CHD9: variants seen among roughly 807,000 people sequenced by gnomAD.
The protein encoded by CHD9 is ATP-dependent chromatin remodeler CHD9.
Under a neutral mutation model 316.1 loss-of-function variants are expected in CHD9, and 77 were observed. The observed-to-expected ratio is 0.24, with a 90% confidence interval of 0.20 to 0.29. The LOEUF is 0.29. Among genes scored for constraint, CHD9 ranks in the 10% least tolerant of loss-of-function variants. CHD9 has a pLI of 1.00. For synonymous variants in CHD9, 1,129 were observed against 1,158.3 expected (o/e 0.97, Z 0.51); for missense variants, 2,763 against 3,438.1 (o/e 0.80, Z 4.91).
Position 53,069,895 on chromosome 16 carries a change from T to C in CHD9, c.-165+14818T>C, listed in dbSNP as rs527546002. Among the ~76,000 whole-genome samples, 4 of 144,978 alleles carry C rather than the reference T, an allele frequency of 2.8e-5. No homozygotes were observed. The East Asian group carries it at 5.9e-4, about 21-fold the overall frequency. On this transcript the variant is annotated intron_variant, in intron 1 of 38. Transcript: ENST00000447540. ...CCATTTCTCCACATCCTTGTCAACG[T>C]TTGTTATTTTCTGTTTGTTTGTGTG...
chr16:53,067,101 T>A (rs1290811738), intron 1 of CHD9, among the ~76,000 whole-genome samples: 1 of 152,124 alleles, frequency 6.6e-6, no homozygotes, highest in Non-Finnish European at 1.5e-5. Context: ...CACCACTATG[T>A]CCAACTAATA....
intron 26 of CHD9, among the ~76,000 whole-genome samples, chr16:53,287,379 T>C (rs779618735): frequency 7.2e-5 from 11 of 152,240 alleles, no homozygotes; most frequent in Admixed American, 3.3e-4. Context: ...ATCTGTCTTT[T>C]CTTACCCAAA....
At chr16:53,160,674 CG>C (rs1481644999) in intron 2 of CHD9, among the ~76,000 whole-genome samples, 1 of 152,024 alleles carries the variant, frequency 6.6e-6, no homozygotes, top group Non-Finnish European at 1.5e-5. Flanking sequence ...TGGGAGGCCG[CG>C]GTGGGTGGAT....
At chr16:53,302,625 G>A (rs2153078641) in intron 30 of CHD9, among the ~76,000 whole-genome samples, 1 of 152,190 alleles carries the variant, frequency 6.6e-6, no homozygotes, top group East Asian at 1.9e-4. Flanking sequence ...ACTAAATCTT[G>A]TCTACAACAG....
chr16:53,225,178 G>A (rs966331521), intron 4 of CHD9, among the ~76,000 whole-genome samples: 2 of 152,062 alleles, frequency 1.3e-5, no homozygotes, highest in Non-Finnish European at 2.9e-5. Flanking sequence ...TGGCTGTGAA[G>A]GTAAATTAAA....
chr16:53,178,178 A>T (rs954261649), intron 2 of CHD9, among the ~76,000 whole-genome samples: 2 of 152,160 alleles, frequency 1.3e-5, no homozygotes, highest in African/African-American at 4.8e-5. Flanking sequence ...GGACTATGGC[A>T]AAAGAACCAG....
intron 1 of CHD9, among the ~76,000 whole-genome samples, chr16:53,086,441 C>A (rs915633790): frequency 5.3e-5 from 8 of 152,184 alleles, no homozygotes; most frequent in African/African-American, 1.9e-4. Context: ...ACTGTCCCTG[C>A]CTGTCAGCCC....
At chr16:53,255,148 A>C (rs2050481672) in intron 18 of CHD9, among the ~76,000 whole-genome samples, 1 of 151,988 alleles carries the variant, frequency 6.6e-6, no homozygotes, top group African/African-American at 2.4e-5. Flanking sequence ...CTGTCTCTAT[A>C]AAAAATAAAA....
At chr16:53,064,172 C>T (rs997544439) in intron 1 of CHD9, among the ~76,000 whole-genome samples, 1 of 152,084 alleles carries the variant, frequency 6.6e-6, no homozygotes, top group East Asian at 1.9e-4. Context: ...GAAGATCAAT[C>T]TATTCCCTTT....
At chr16:53,309,008 A>G (rs982793001) in intron 34 of CHD9, among the ~76,000 whole-genome samples, 154 bp downstream of exon 34, 58 of 152,172 alleles carry the variant, frequency 3.8e-4, no homozygotes, top group African/African-American at 1.4e-3. Flanking sequence ...CTTAACAAAT[A>G]TTTTTTGGAA....
intron 2 of CHD9, chr16:53,207,860 T>C (rs1340732749): frequency 6.3e-6 from 1 of 159,732 alleles, no homozygotes; most frequent in East Asian, 1.9e-4. Flanking sequence ...TGAGAGTTAA[T>C]GTGTTACATG....
chr16:53,262,960 C>T, intron 19 of CHD9, 27 bp from the exon 20 acceptor site: 1 of 1,550,466 alleles, frequency 6.4e-7, no homozygotes, highest in Non-Finnish European at 8.9e-7. Flanking sequence ...TAGATTTTTC[C>T]TCTAAAACTG....
In CHD9 at chr16:53,242,849, A is replaced by G; in HGVS notation, c.2887A>G (p.Ile963Val). 6.2e-7 allele frequency: 1 copy of G among 1,612,608 alleles called. No homozygotes were observed. The highest frequency in any genetic ancestry group is 8.5e-7 in the Non-Finnish European group (1 of 1,179,116). Residue 963 changes from isoleucine to valine, a missense_variant, in exon 13 of 39, where the codon ATT (isoleucine) becomes GTT (valine). Physicochemically the swap from Ile to Val is conservative, Grantham distance 29 (BLOSUM62 3). Coordinates refer to ENST00000447540, the MANE Select transcript of CHD9 (RefSeq NM_001308319.2). ...ATTTGATCATTTCTAGGGGCGTATC[A>G]TTCGAGGAGCTTACAGATTCCAAGC... ...MYFRDSQGRI[I>V]RGAYRFQAII...
intron 1 of CHD9, among the ~76,000 whole-genome samples, chr16:53,136,743 T>C (rs1176171199): frequency 6.6e-6 from 1 of 152,192 alleles, no homozygotes; most frequent in Non-Finnish European, 1.5e-5. Flanking sequence ...ACACTTATTC[T>C]GCTTTGGTGA....
intron 1 of CHD9, among the ~76,000 whole-genome samples, chr16:53,074,418 G>C (rs2034351726): frequency 6.6e-6 from 1 of 152,210 alleles, no homozygotes; most frequent in South Asian, 2.1e-4. Flanking sequence ...TAAGTAATGA[G>C]GAGCTGAATG....
intron 2 of CHD9, among the ~76,000 whole-genome samples, chr16:53,201,890 C>G (rs1160251578): frequency 6.6e-6 from 1 of 151,460 alleles, no homozygotes; most frequent in African/African-American, 2.4e-5. Flanking sequence ...GGGTTTTGCT[C>G]TGTCACCCAA....
chr16:53,095,662 T>C (rs1170000971), intron 1 of CHD9, among the ~76,000 whole-genome samples: 1 of 152,220 alleles, frequency 6.6e-6, no homozygotes, highest in Non-Finnish European at 1.5e-5. Context: ...TAGCGTAGCA[T>C]TCAGCTACGG....
intron 1 of CHD9, among the ~76,000 whole-genome samples, chr16:53,114,839 G>A (rs1360655946): frequency 6.6e-6 from 1 of 152,028 alleles, no homozygotes; most frequent in African/African-American, 2.4e-5. Context: ...CGCCCGCCTC[G>A]GCCTCCCAAA....
intron 1 of CHD9, among the ~76,000 whole-genome samples, chr16:53,084,474 G>A (rs532088258): frequency 1.4e-4 from 22 of 152,346 alleles, no homozygotes; most frequent in East Asian, 9.7e-4. Flanking sequence ...GCAGGGTGCG[G>A]TGGCTCATGC....
Sources: allele counts gnomAD v4.1 joint callset (sites outside exome capture counted in the v4.1 genomes callset), GRCh38; gene constraint gnomAD v4.1.1; transcripts MANE v1.5; gene names NCBI Gene and HGNC (gene_info 2026-07-23, HGNC 2026-07-21).